The following LRPAP1 variants were observed in gnomAD, a reference collection of about 807,000 sequenced individuals.
The protein encoded by LRPAP1 is alpha-2-macroglobulin receptor-associated protein.
In LRPAP1, 41 loss-of-function variants were observed where a neutral mutation model predicts 39.9. That is an observed-to-expected ratio of 1.03 (90% CI 0.80 to 1.33). LRPAP1 has a LOEUF of 1.33. Ranked by LOEUF, LRPAP1 falls within the 40% of genes most tolerant of loss-of-function variation. The probability of loss-of-function intolerance (pLI) is 0.00; values close to 1 mark genes in which losing one functional copy is unlikely to be tolerated. For synonymous variants in LRPAP1, 263 were observed against 212.7 expected (o/e 1.24, Z -2.06); for missense variants, 565 against 482.3 (o/e 1.17, Z -1.61).
chr4:3,519,982 G>A, intron 3 of LRPAP1, 90 bp downstream of exon 3: 6 of 1,498,062 alleles, frequency 4.0e-6, no homozygotes, highest in Non-Finnish European at 5.5e-6. Flanking sequence ...CGGCTCCCAT[G>A]CAGAGCAGAG....
Position 3,506,780 on chromosome 4 carries a change from A to C in LRPAP1, c.*6194T>G, listed in dbSNP as rs1302836404. On this transcript the variant is annotated 3_prime_UTR_variant, in exon 8 of 8. Transcript: ENST00000650182. ...AGACCACTAGAACGGAAAAATAAAA[A>C]ATAAAAATTAGATTTCATCAAACTG... 1.3e-5 allele frequency: 2 copies of C among 152,268 alleles called. No individual in the cohort carries two copies. Among genetic ancestry groups the C allele is most frequent in the Admixed American group, 6.5e-5 (1 of 15,282 alleles). 9.4% of individuals were successfully genotyped at this position (152,268 alleles called of 1,614,324 possible). A position where few individuals can be genotyped will look rare whatever the true frequency, so the allele number is the denominator to read the frequency against.
intron 5 of LRPAP1, chr4:3,517,830 G>A (rs1322067298): frequency 1.8e-6 from 1 of 541,442 alleles, no homozygotes; most frequent in Non-Finnish European, 3.1e-6. Flanking sequence ...CAGGTACAAG[G>A]CTGGGGACGG....
chr4:3,525,060 G>A lies in LRPAP1; in HGVS notation c.205-9C>T, dbSNP rs541434851. ...ACGGGAGGAAGATGCAGCTGCGAAC[G>A]AAGGGGAGGAGCCTGTGAGCCACGA... On this transcript the variant is annotated splice_polypyrimidine_tract_variant and intron_variant, in intron 1 of 7. Coordinates refer to ENST00000650182, the MANE Select transcript of LRPAP1 (RefSeq NM_002337.4). 30 of 1,613,628 alleles carry A rather than the reference G, an allele frequency of 1.9e-5. No homozygotes were observed. Among genetic ancestry groups the A allele is most frequent in the Non-Finnish European group, 2.3e-5 (27 of 1,180,026 alleles).
chr4:3,515,012 C>G, intron 6 of LRPAP1, 84 bp from the exon 7 acceptor site: 2 of 1,498,832 alleles, frequency 1.3e-6, no homozygotes, highest in South Asian at 2.4e-5. Context: ...GCAAGGACGC[C>G]AAAGGACGGC....
chr4:3,518,174 A>C lies in LRPAP1; in HGVS notation c.611T>G (p.Ile204Ser). The C allele has an allele frequency of 6.2e-7, 1 of 1,611,332 alleles. No individual in the cohort carries two copies. The highest frequency in any genetic ancestry group is 8.5e-7 in the Non-Finnish European group (1 of 1,178,346). ...SRTEEIHENVISPSDLSDIKG... is the reference protein window; with the variant it reads ...SRTEEIHENVSSPSDLSDIKG... Reference sequence around the variant, plus strand: ...GATGTCGCTCAGGTCCGAGGGGCTAATGACGTTCTCGTGGATTTCTGTAAA... The same window carrying C: ...GATGTCGCTCAGGTCCGAGGGGCTACTGACGTTCTCGTGGATTTCTGTAAA... The change falls in exon 5 of 8, where the codon ATT (isoleucine) becomes AGT (serine). Residue 204 changes from isoleucine (I) to serine (S), a missense_variant. By Grantham distance (142) the Ile-to-Ser change is moderately radical (BLOSUM62 -2). Transcript: ENST00000650182.
At chr4:3,526,171 G>A (rs548941458) in intron 1 of LRPAP1, among the ~76,000 whole-genome samples, 1 of 152,330 alleles carries the variant, frequency 6.6e-6, no homozygotes, top group East Asian at 1.9e-4. Context: ...AGCAAAGGAA[G>A]TGCTCGGCAC....
At position 3,505,205 on chromosome 4, in the gene LRPAP1, C is replaced by T. The variant is rs920208928; in HGVS notation, c.*7769G>A. Among the ~76,000 whole-genome samples, 21 of 152,316 alleles carry T rather than the reference C, an allele frequency of 1.4e-4. No homozygotes were observed. Among genetic ancestry groups the T allele is most frequent in the Admixed American group, 7.2e-4 (11 of 15,312 alleles). On this transcript the variant is annotated 3_prime_UTR_variant, in exon 8 of 8. Transcript: ENST00000650182. The stretch of plus-strand genomic sequence containing the variant: ...AAGGGCGACCGTGTCCTGGACAGCC[C>T]AGCTCGAGGCTGCTCTTCAGCCCCA...
rs548561709 is a variant in LRPAP1, at chr4:3,505,135, C to T, written c.*7839G>A. The stretch of plus-strand genomic sequence containing the variant: ...CTGCCACGCACGCAGCCATAGTGGG[C>T]TGGCTAAGCTGCAGGTTGTGCCTGA... On this transcript the variant is annotated 3_prime_UTR_variant, in exon 8 of 8. Transcript: ENST00000650182. Among the ~76,000 whole-genome samples, 2 of 152,318 alleles carry T rather than the reference C, an allele frequency of 1.3e-5. No individual in the cohort carries two copies. Among genetic ancestry groups the T allele is most frequent in the East Asian group, 3.9e-4 (2 of 5,176 alleles).
Position 3,510,916 on chromosome 4 carries a change from C to CCA in LRPAP1, c.*2057_*2058insTG, listed in dbSNP as rs2108685728. ...GCATCACCTACATCCTTCGTGAGTG[C>CCA]GCACCATGACCAGCCACACCCATGG... is the stretch of plus-strand genomic sequence containing the variant. On this transcript the variant is annotated 3_prime_UTR_variant, in exon 8 of 8. Transcript: ENST00000650182. The CCA allele has an allele frequency of 6.6e-6, 1 of 152,286 alleles. No individual in the cohort carries two copies. Among genetic ancestry groups the CCA allele is most frequent in the African/African-American group, 2.4e-5 (1 of 41,542 alleles). The allele number at this position is 152,286 out of a possible 1,614,324, so 9.4% of individuals were successfully genotyped here.
chr4:3,521,685 C>T (rs1436875852), intron 2 of LRPAP1, among the ~76,000 whole-genome samples: 1 of 152,230 alleles, frequency 6.6e-6, no homozygotes, highest in Non-Finnish European at 1.5e-5. Flanking sequence ...TCTTCCTAAG[C>T]GTGAAAAACC....
intron 2 of LRPAP1, 62 bp downstream of exon 2, chr4:3,524,845 G>C: frequency 6.4e-7 from 1 of 1,572,016 alleles, no homozygotes; most frequent in Non-Finnish European, 8.7e-7. Flanking sequence ...CCAAAACACT[G>C]CCGCTCTCAA....
chr4:3,516,674 C>T (rs1485516498), intron 5 of LRPAP1, among the ~76,000 whole-genome samples: 2 of 152,230 alleles, frequency 1.3e-5, no homozygotes, highest in Non-Finnish European at 1.5e-5. Context: ...GTCAAACATT[C>T]GGGCTCCTGG....
intron 3 of LRPAP1, among the ~76,000 whole-genome samples, chr4:3,519,535 A>G (rs1000514460): frequency 6.6e-6 from 1 of 152,138 alleles, no homozygotes; most frequent in Non-Finnish European, 1.5e-5. Flanking sequence ...TTGACCCCAA[A>G]TCAATGTGAT....
At chr4:3,517,560 T>A (rs961826935) in intron 5 of LRPAP1, 1 of 154,288 alleles carries the variant, frequency 6.5e-6, no homozygotes, top group African/African-American at 2.4e-5. Flanking sequence ...GCCTGGCCAC[T>A]GAGGGCCTGC....
Position 3,509,083 on chromosome 4 carries a change from G to C in LRPAP1, c.*3891C>G, listed in dbSNP as rs1321135390. 1 of 152,254 alleles carries C rather than the reference G, an allele frequency of 6.6e-6. No individual in the cohort carries two copies. Among genetic ancestry groups the C allele is most frequent in the Non-Finnish European group, 1.5e-5 (1 of 68,050 alleles). The allele number at this position is 152,254 out of a possible 1,614,324, so 9.4% of individuals were successfully genotyped here. A position where few individuals can be genotyped will look rare whatever the true frequency, so the allele number is the denominator to read the frequency against. Reference sequence around the variant, plus strand: ...AAATAAAAATACACAGTCCTCAATAGCATATCGAACACCTAGGACTAGATC... The same window carrying C: ...AAATAAAAATACACAGTCCTCAATACCATATCGAACACCTAGGACTAGATC... On this transcript the variant is annotated 3_prime_UTR_variant, in exon 8 of 8. Transcript: ENST00000650182.
At chr4:3,532,098 G>A (rs1577214702) in intron 1 of LRPAP1, 111 bp downstream of exon 1, 17 of 1,235,176 alleles carry the variant, frequency 1.4e-5, no homozygotes, top group East Asian at 7.7e-5. Flanking sequence ...GTAGGGCACA[G>A]GTGCCCCGGC....
chr4:3,518,875 G>A lies in LRPAP1; in HGVS notation c.588C>T (p.Thr196=), dbSNP rs939602040. The A allele has an allele frequency of 1.1e-5, 17 of 1,597,090 alleles. No homozygotes were observed. Among genetic ancestry groups the A allele is most frequent in the African/African-American group, 4.0e-5 (3 of 74,444 alleles). Reference sequence around the variant, plus strand: ...GGGGGTGGGGGCGGGGGGCACCTTCGGTCCTGCTCAGGGTCTCCAGCAGGA... The same window carrying A: ...GGGGGTGGGGGCGGGGGGCACCTTCAGTCCTGCTCAGGGTCTCCAGCAGGA... The part of the protein sequence containing the change: ...YNVLLETLSR[T]EEIHENVISP... Residue 196 remains threonine, a synonymous_variant, in exon 4 of 8, where the codon ACC becomes ACT. Transcript: ENST00000650182.
At chr4:3,530,791 A>C (rs1054951704) in intron 1 of LRPAP1, among the ~76,000 whole-genome samples, 5 of 152,208 alleles carry the variant, frequency 3.3e-5, no homozygotes, top group African/African-American at 1.2e-4. Context: ...GGTGGAGCGC[A>C]CCAGGGCGGC....
intron 2 of LRPAP1, among the ~76,000 whole-genome samples, chr4:3,520,676 A>G (rs1729884413): frequency 6.6e-6 from 1 of 152,276 alleles, no homozygotes; most frequent in African/African-American, 2.4e-5. Context: ...GCAGGGTGGC[A>G]GGGCTTTCTG....
Sources: gnomAD v4.1 joint callset for allele counts (sites outside exome capture counted in the v4.1 genomes callset) on GRCh38, gnomAD v4.1.1 for gene constraint, MANE v1.5 for transcripts, NCBI Gene and HGNC (gene_info 2026-07-23, HGNC 2026-07-21) for gene names.